Variants in DNAJB14 observed in about 807,000 individuals in gnomAD.
The protein encoded by DNAJB14 is dnaJ homolog subfamily B member 14.
In DNAJB14, 22 loss-of-function variants were observed where a neutral mutation model predicts 48.4. The observed-to-expected ratio is 0.45, with a 90% CI of 0.32 to 0.65. The LOEUF is 0.65. Ranked by LOEUF, DNAJB14 falls within the 30% of genes least tolerant of loss-of-function variation. DNAJB14 has a pLI of 0.03. For synonymous variants in DNAJB14, 142 were observed against 158.7 expected (o/e 0.89, Z 0.79); for missense variants, 319 against 458.8 (o/e 0.70, Z 2.78).
At chr4:99,941,502 C>T (rs561342174) in intron 1 of DNAJB14, among the ~76,000 whole-genome samples, 7 of 152,066 alleles carry the variant, frequency 4.6e-5, no homozygotes, top group African/African-American at 1.2e-4. Context: ...GATAAGCCTG[C>T]GAAGATTACA....
At position 99,933,683 on chromosome 4, in the gene DNAJB14, T is replaced by G. The variant is rs575981015; in HGVS notation, c.134-3062A>C. Among the ~76,000 whole-genome samples, 17 of 152,228 alleles carry G rather than the reference T, an allele frequency of 1.1e-4. No individual in the cohort carries two copies. In the South Asian group the frequency reaches 2.9e-3, roughly 26 times the overall value. Reference sequence around the variant, plus strand: ...TAAGGGAGGTAGTGGTTCACAACATTTAGACATAAAAACTTTTGTGGGAAT... The same window carrying G: ...TAAGGGAGGTAGTGGTTCACAACATGTAGACATAAAAACTTTTGTGGGAAT... On this transcript the variant is annotated intron_variant, in intron 1 of 7. Coordinates refer to ENST00000442697, the MANE Select transcript of DNAJB14 (RefSeq NM_001031723.4).
chr4:99,933,428 A>C (rs1726555312), intron 1 of DNAJB14, among the ~76,000 whole-genome samples: 1 of 145,702 alleles, frequency 6.9e-6, no homozygotes, highest in South Asian at 2.2e-4. Context: ...AGTAACTGGG[A>C]CTACAGGTAC....
At chr4:99,930,707 T>G (rs575703917) in intron 1 of DNAJB14, 86 bp from the exon 2 acceptor site, 2 of 1,398,558 alleles carry the variant, frequency 1.4e-6, no homozygotes, top group East Asian at 4.8e-5. Flanking sequence ...GCAGACAAAT[T>G]ATGAAGTGTG....
At chr4:99,936,514 T>C (rs1162526256) in intron 1 of DNAJB14, among the ~76,000 whole-genome samples, 6 of 152,200 alleles carry the variant, frequency 3.9e-5, no homozygotes, top group Non-Finnish European at 5.9e-5. Context: ...TGTCCACTGA[T>C]AGGGCTAGAA....
intron 2 of DNAJB14, chr4:99,927,046 C>T (rs1414717174): frequency 6.6e-6 from 1 of 152,148 alleles, no homozygotes; most frequent in African/African-American, 2.4e-5. Context: ...ATGTGTTTGT[C>T]ACACTTTTTA....
chr4:99,912,705 C>T (rs754088301), intron 3 of DNAJB14, among the ~76,000 whole-genome samples: 3 of 152,138 alleles, frequency 2.0e-5, no homozygotes, highest in Admixed American at 6.5e-5. Context: ...TCTAAAGCTC[C>T]CGATCTCAGG....
chr4:99,938,055 C>A lies in DNAJB14; in HGVS notation c.134-7434G>T, dbSNP rs1372257230. ...GGCGGATCACTTGAGGTCAGGAGTTCGAGACCAGCCTGGCTAACATGGCGA... is the reference window on the plus strand; with the variant it reads ...GGCGGATCACTTGAGGTCAGGAGTTAGAGACCAGCCTGGCTAACATGGCGA... On this transcript the variant is annotated intron_variant, in intron 1 of 7. Transcript: ENST00000442697. Among the ~76,000 whole-genome samples, 3 of 130,404 alleles carry A rather than the reference C, an allele frequency of 2.3e-5. No individual in the cohort carries two copies. The East Asian group carries it at 6.6e-4, about 29-fold the overall frequency. The allele number at this position is 130,404 out of a possible 152,430, so 85.6% of individuals were successfully genotyped here.
chr4:99,920,455 G>T (rs1016189449), intron 3 of DNAJB14, among the ~76,000 whole-genome samples: 1 of 152,154 alleles, frequency 6.6e-6, no homozygotes, highest in Non-Finnish European at 1.5e-5. Context: ...TTACATTCAT[G>T]TGTATGTCAA....
chr4:99,906,015 C>T, intron 5 of DNAJB14: 1 of 1,310,192 alleles, frequency 7.6e-7, no homozygotes, highest in East Asian at 4.5e-5. Flanking sequence ...CAATATGCTG[C>T]AGGCTGTAAA....
At chr4:99,901,914 G>C (rs1422460884) in intron 7 of DNAJB14, among the ~76,000 whole-genome samples, 2 of 151,998 alleles carry the variant, frequency 1.3e-5, no homozygotes, top group Non-Finnish European at 2.9e-5. Flanking sequence ...GAAGACATCT[G>C]GTTTATATGG....
intron 1 of DNAJB14, among the ~76,000 whole-genome samples, chr4:99,946,062 G>A (rs1406872933): frequency 6.6e-6 from 1 of 152,240 alleles, no homozygotes; most frequent in African/African-American, 2.4e-5. Flanking sequence ...TAGGCCTTAT[G>A]TAGGACTGAG....
rs1375201874 is a variant in DNAJB14, at chr4:99,897,791, A to G, written c.*3237T>C. On this transcript the variant is annotated 3_prime_UTR_variant, in exon 8 of 8. Transcript: ENST00000442697. The stretch of plus-strand genomic sequence containing the variant: ...TCAGTTTGCTTCACTCATTATGAAG[A>G]TGGATAGTAATAGGATAGTACTGAA... The G allele has an allele frequency of 6.6e-6, 1 of 152,038 alleles. No homozygotes were observed. The highest frequency in any genetic ancestry group is 1.5e-5 in the Non-Finnish European group (1 of 67,878). 9.4% of individuals were successfully genotyped at this position (152,038 alleles called of 1,614,324 possible).
chr4:99,941,893 T>C (rs1726902444), intron 1 of DNAJB14, among the ~76,000 whole-genome samples: 1 of 152,142 alleles, frequency 6.6e-6, no homozygotes. Flanking sequence ...TTTGTAACAC[T>C]TCAGTTGGTG....
At chr4:99,937,648 C>A (rs913637699) in intron 1 of DNAJB14, among the ~76,000 whole-genome samples, 1 of 152,048 alleles carries the variant, frequency 6.6e-6, no homozygotes, top group Non-Finnish European at 1.5e-5. Flanking sequence ...ATTACTTGAG[C>A]CCAGGAGGCA....
intron 1 of DNAJB14, among the ~76,000 whole-genome samples, chr4:99,939,287 G>A (rs922049315): frequency 8.5e-5 from 13 of 152,302 alleles, no homozygotes; most frequent in East Asian, 7.7e-4. Flanking sequence ...GCTTGAACCC[G>A]GGAGATGGAG....
chr4:99,931,172 C>T (rs1335273435), intron 1 of DNAJB14, among the ~76,000 whole-genome samples: 1 of 152,088 alleles, frequency 6.6e-6, no homozygotes, highest in African/African-American at 2.4e-5. Context: ...ATATACATTT[C>T]AGGCAAAAGG....
chr4:99,903,676 TC>T, intron 7 of DNAJB14, 49 bp downstream of exon 7: 1 of 1,557,444 alleles, frequency 6.4e-7, no homozygotes, highest in Non-Finnish European at 8.7e-7. Flanking sequence ...ATTAATCAGT[TC>T]CAAAGACTGC....
chr4:99,910,492 CTA>C (rs1725620584), intron 3 of DNAJB14: 3 of 151,924 alleles, frequency 2.0e-5, no homozygotes, highest in Non-Finnish European at 4.4e-5. Context: ...TGCAATAATG[CTA>C]CTTTAATAGT....
intron 3 of DNAJB14, among the ~76,000 whole-genome samples, chr4:99,909,135 C>CT (rs1391837450): frequency 6.6e-6 from 1 of 151,944 alleles, no homozygotes. Context: ...ATCCATCTTC[C>CT]TTTTTTAATA....
Sources: gnomAD v4.1 joint callset for allele counts (sites outside exome capture counted in the v4.1 genomes callset) on GRCh38, gnomAD v4.1.1 for gene constraint, MANE v1.5 for transcripts, NCBI Gene and HGNC (gene_info 2026-07-23, HGNC 2026-07-21) for gene names.